Variants in DOCK7 observed in about 807,000 individuals in gnomAD.
The protein encoded by DOCK7 is dedicator of cytokinesis protein 7.
In DOCK7, 138 loss-of-function variants were observed where a neutral mutation model predicts 271.0. The observed-to-expected ratio is 0.51, with a 90% CI of 0.44 to 0.59. The LOEUF (loss-of-function observed/expected upper bound fraction) is 0.59. Ranked by LOEUF, DOCK7 falls within the 20% of genes least tolerant of loss-of-function variation. DOCK7 has a pLI of 0.00. For synonymous variants in DOCK7, 823 were observed against 876.1 expected (o/e 0.94, Z 1.07); for missense variants, 2,066 against 2,592.4 (o/e 0.80, Z 4.41).
chr1:62,641,676 C>T, intron 7 of DOCK7: 1 of 425,700 alleles, frequency 2.3e-6, no homozygotes, highest in Non-Finnish European at 4.8e-6. Flanking sequence ...GCTGGGCAAC[C>T]CGGAGATGGC....
At chr1:62,688,119 C>A in intron 1 of DOCK7, 108 bp downstream of exon 1, 1 of 1,176,522 alleles carries the variant, frequency 8.5e-7, no homozygotes, top group Non-Finnish European at 1.1e-6. Flanking sequence ...GCCGCGGGAT[C>A]CCGGTGCCGG....
chr1:62,551,246 T>C (rs1005477636), intron 22 of DOCK7, among the ~76,000 whole-genome samples: 9 of 152,120 alleles, frequency 5.9e-5, no homozygotes, highest in Non-Finnish European at 1.2e-4. Flanking sequence ...AATGACAAGA[T>C]TGCAGGGGTG....
Position 62,647,760 on chromosome 1 carries a change from C to T in DOCK7, c.749G>A (p.Arg250Gln), listed in dbSNP as rs750570185. The T allele has an allele frequency of 4.6e-5, 74 of 1,607,512 alleles. No individual in the cohort carries two copies. Among genetic ancestry groups the T allele is most frequent in the Non-Finnish European group, 5.5e-5 (65 of 1,177,938 alleles). Residue 250 changes from arginine to glutamine, a missense_variant, in exon 7 of 50, where the codon CGG (arginine) becomes CAG (glutamine). Coordinates refer to ENST00000635253, the MANE Select transcript of DOCK7 (RefSeq NM_001367561.1). ...TTTGGGTATATCAGGAACACTAAGCCGTTCTATTGGTTCTTCCTACAAATT... is the reference window on the plus strand; with the variant it reads ...TTTGGGTATATCAGGAACACTAAGCTGTTCTATTGGTTCTTCCTACAAATT... ...PSPDEEEPIE[R>Q]LSVPDIPKEH...
In DOCK7 at chr1:62,648,333, AT is replaced by A. The variant is rs1290384528; in HGVS notation, c.520-16del. On this transcript the variant is annotated splice_polypyrimidine_tract_variant and intron_variant, in intron 5 of 49. Transcript: ENST00000635253. ...TTAAGGTCATCCTGTCATGCAAAAC[AT>A]TAAATATAAATATATTAATTAATAA... 6.5e-7 allele frequency: 1 copy of A among 1,531,790 alleles called. No homozygotes were observed. The highest frequency in any genetic ancestry group is 8.8e-7 in the Non-Finnish European group (1 of 1,137,674). 94.9% of individuals were successfully genotyped at this position (1,531,790 alleles called of 1,614,324 possible).
chr1:62,616,880 A>G (rs1652502169), intron 14 of DOCK7, among the ~76,000 whole-genome samples: 1 of 151,750 alleles, frequency 6.6e-6, no homozygotes, highest in Non-Finnish European at 1.5e-5. Context: ...TTAAAGCCAG[A>G]AGACAGTAGT....
chr1:62,556,105 G>A (rs1410850533), intron 20 of DOCK7, 116 bp from the exon 21 acceptor site: 4 of 1,033,040 alleles, frequency 3.9e-6, no homozygotes, highest in Non-Finnish European at 5.7e-6. Flanking sequence ...TACACAGTAA[G>A]TGTATAAAGA....
At chr1:62,597,892 A>G in intron 14 of DOCK7, 1 of 1,572,260 alleles carries the variant, frequency 6.4e-7, no homozygotes, top group East Asian at 2.2e-5. Context: ...CTACAAGTCA[A>G]AAATGAAGAG....
intron 1 of DOCK7, among the ~76,000 whole-genome samples, chr1:62,668,305 T>A (rs1235790614): frequency 1.3e-5 from 2 of 152,060 alleles, no homozygotes; most frequent in African/African-American, 4.8e-5. Context: ...GTGGACTAAG[T>A]TTTAGTGTAA....
Position 62,545,001 on chromosome 1 carries a change from A to T in DOCK7, c.2805T>A (p.Gly935=). The T allele has an allele frequency of 6.5e-7, 1 of 1,549,890 alleles. No individual in the cohort carries two copies. Among genetic ancestry groups the T allele is most frequent in the Non-Finnish European group, 8.7e-7 (1 of 1,146,508 alleles). ...DRSNSWVNTG[G]PKAAPWGSNP... is the part of the protein sequence containing the mutation. Reference sequence around the variant, plus strand: ...TGGATCCCCATGGGGCAGCTTTTGGACCACCAGTGTTAACCCAGGAATTGG... The same window carrying T: ...TGGATCCCCATGGGGCAGCTTTTGGTCCACCAGTGTTAACCCAGGAATTGG... The change falls in exon 23 of 50, where the codon GGT becomes GGA. Residue 935 remains glycine, a synonymous_variant. Coordinates refer to ENST00000635253, the MANE Select transcript of DOCK7 (RefSeq NM_001367561.1).
intron 14 of DOCK7, among the ~76,000 whole-genome samples, chr1:62,600,731 A>G (rs1433450119): frequency 6.6e-6 from 1 of 151,804 alleles, no homozygotes; most frequent in African/African-American, 2.4e-5. Context: ...GAAAATTATT[A>G]AACTTAAAAT....
In DOCK7 at chr1:62,550,941, G is replaced by A. The variant is rs143819889; in HGVS notation, c.2766+1791C>T. On this transcript the variant is annotated intron_variant, in intron 22 of 49. Coordinates refer to ENST00000635253, the MANE Select transcript of DOCK7 (RefSeq NM_001367561.1). ...TCACCATGTTGGCCAGGCTGGTTTT[G>A]AACTCCTGACCTCAGGTGATCTGCC... 5.0e-3 allele frequency among the ~76,000 whole-genome samples: 762 copies of A among 152,096 alleles called. 3 individuals are homozygous for A. Among genetic ancestry groups the A allele is most frequent in the African/African-American group, 0.017 (718 of 41,492 alleles).
At chr1:62,658,589 A>G (rs1658301689) in intron 2 of DOCK7, among the ~76,000 whole-genome samples, 1 of 152,148 alleles carries the variant, frequency 6.6e-6, no homozygotes, top group Non-Finnish European at 1.5e-5. Context: ...GTGGCACAAC[A>G]TTTTTCAAGT....
At chr1:62,608,851 AC>A (rs1651377811) in intron 14 of DOCK7, 1 of 133,476 alleles carries the variant, frequency 7.5e-6, no homozygotes, top group Non-Finnish European at 1.7e-5. Flanking sequence ...ATGGAAGTCA[AC>A]TAACTCATTC....
chr1:62,635,673 A>G (rs1655177365), intron 8 of DOCK7: 1 of 152,242 alleles, frequency 6.6e-6, no homozygotes, highest in Non-Finnish European at 1.5e-5. Flanking sequence ...TTGCTAGAGC[A>G]GAATTCCATT....
chr1:62,458,366 TCTA>T (rs939056702), intron 48 of DOCK7: 5 of 152,114 alleles, frequency 3.3e-5, no homozygotes, highest in African/African-American at 7.2e-5. Context: ...TCCTGTAAAA[TCTA>T]CTATTTACTT....
intron 48 of DOCK7, among the ~76,000 whole-genome samples, chr1:62,466,743 C>A (rs183085121): frequency 6.6e-6 from 1 of 151,952 alleles, no homozygotes; most frequent in African/African-American, 2.4e-5. Flanking sequence ...ACAAGCCTGA[C>A]CAACATGGCA....
chr1:62,687,689 G>A (rs1297706323), intron 1 of DOCK7: 1 of 152,270 alleles, frequency 6.6e-6, no homozygotes, highest in Non-Finnish European at 1.5e-5. Context: ...GTTCCTGTCA[G>A]ATTTCTCAGG....
chr1:62,483,586 C>CTTT (rs146567320), intron 43 of DOCK7: 19 of 143,100 alleles, frequency 1.3e-4, no homozygotes, highest in East Asian at 4.1e-4. Flanking sequence ...GTTCTGATTT[C>CTTT]TTTTTTTTTT....
intron 1 of DOCK7, among the ~76,000 whole-genome samples, chr1:62,669,032 T>A (rs2149735604): frequency 6.6e-6 from 1 of 152,184 alleles, no homozygotes; most frequent in East Asian, 1.9e-4. Context: ...GAGGTATGTA[T>A]ATCACATCCT....
Sources: allele counts gnomAD v4.1 joint callset (sites outside exome capture counted in the v4.1 genomes callset), GRCh38; gene constraint gnomAD v4.1.1; transcripts MANE v1.5; gene names NCBI Gene and HGNC (gene_info 2026-07-23, HGNC 2026-07-21).